The following TBC1D5 variants were observed in gnomAD, a reference collection of about 807,000 sequenced individuals.
TBC1D5 encodes the protein TBC1 domain family, member 5.
Under a neutral mutation model 100.3 loss-of-function variants are expected in TBC1D5, and 75 were observed. The ratio of observed to expected loss-of-function variants is 0.75; its 90% CI spans 0.62 to 0.91. The LOEUF is 0.91. Ranked by LOEUF, TBC1D5 falls within the 40% of genes least tolerant of loss-of-function variation. The probability of loss-of-function intolerance (pLI) is 0.00; values close to 1 mark genes in which losing one functional copy is unlikely to be tolerated. For missense variants in TBC1D5, 910 were observed against 942.4 expected, an observed-to-expected ratio of 0.97 and a Z score of 0.45; for synonymous variants, 323 against 325.6, an observed-to-expected ratio of 0.99 and a Z score of 0.09.
chr3:17,407,168 A>T (rs1430380945), intron 4 of TBC1D5, among the ~76,000 whole-genome samples: 1 of 152,184 alleles, frequency 6.6e-6, no homozygotes. Flanking sequence ...ATGGCTGAGT[A>T]GATAAACAAC....
intron 2 of TBC1D5, among the ~76,000 whole-genome samples, chr3:17,545,957 G>A (rs965013091): frequency 6.6e-6 from 1 of 152,090 alleles, no homozygotes; most frequent in African/African-American, 2.4e-5. Flanking sequence ...AGGTATAGAT[G>A]TATATAACCT....
At chr3:17,645,604 T>C (rs2064947109) in intron 1 of TBC1D5, among the ~76,000 whole-genome samples, 1 of 152,136 alleles carries the variant, frequency 6.6e-6, no homozygotes, top group Non-Finnish European at 1.5e-5. Flanking sequence ...ACACTCTCTC[T>C]TTAGTTTCCT....
intron 7 of TBC1D5, among the ~76,000 whole-genome samples, chr3:17,404,476 G>C (rs1226188505): frequency 6.6e-6 from 1 of 151,864 alleles, no homozygotes; most frequent in Non-Finnish European, 1.5e-5. Context: ...GAGATTTCTT[G>C]GTACTGCCAT....
intron 16 of TBC1D5, among the ~76,000 whole-genome samples, chr3:17,240,563 A>G (rs558629634): frequency 3.9e-5 from 6 of 152,172 alleles, no homozygotes; most frequent in Non-Finnish European, 8.8e-5. Flanking sequence ...TTGAGAAAAA[A>G]GAATGAATGA....
chr3:17,712,276 G>A (rs1310010027), intron 1 of TBC1D5, among the ~76,000 whole-genome samples: 4 of 152,012 alleles, frequency 2.6e-5, no homozygotes, highest in Admixed American at 6.5e-5. Flanking sequence ...AGAAATAATG[G>A]TCTCCCACAG....
chr3:17,584,757 A>G (rs1287542755), intron 2 of TBC1D5, among the ~76,000 whole-genome samples: 1 of 152,202 alleles, frequency 6.6e-6, no homozygotes, highest in Non-Finnish European at 1.5e-5. Flanking sequence ...CCCGAGTTCA[A>G]GAGATTCTCC....
At chr3:17,298,269 A>G (rs17043333) in intron 14 of TBC1D5, among the ~76,000 whole-genome samples, 2,287 of 152,222 alleles carry the variant, frequency 0.015, 50 homozygotes, top group African/African-American at 0.052. Flanking sequence ...TTTGTGTTGG[A>G]CTGTATTCAT....
chr3:17,626,088 T>C (rs1039527071), intron 1 of TBC1D5, among the ~76,000 whole-genome samples: 5 of 152,170 alleles, frequency 3.3e-5, no homozygotes, highest in Non-Finnish European at 5.9e-5. Flanking sequence ...TTGGACCATT[T>C]GAAGACCTAC....
chr3:17,543,950 C>T (rs2096386746), intron 2 of TBC1D5, among the ~76,000 whole-genome samples: 1 of 151,904 alleles, frequency 6.6e-6, no homozygotes, highest in South Asian at 2.1e-4. Context: ...TCACTGCAAC[C>T]TCCACCTCCC....
intron 1 of TBC1D5, among the ~76,000 whole-genome samples, chr3:17,701,354 A>C (rs1315446457): frequency 6.6e-6 from 1 of 152,168 alleles, no homozygotes; most frequent in Non-Finnish European, 1.5e-5. Context: ...GAGAGATAGC[A>C]TTAGGAGAAA....
intron 15 of TBC1D5, among the ~76,000 whole-genome samples, chr3:17,272,064 A>G (rs1343667667): frequency 6.7e-6 from 1 of 149,850 alleles, no homozygotes; most frequent in South Asian, 2.1e-4. Flanking sequence ...AGGCATTTAC[A>G]ACATTTGTGT....
intron 3 of TBC1D5, among the ~76,000 whole-genome samples, chr3:17,440,596 G>A (rs1264462651): frequency 2.0e-5 from 3 of 152,154 alleles, no homozygotes; most frequent in Non-Finnish European, 4.4e-5. Context: ...CAGCTTGGGT[G>A]ACAAAGTAAG....
intron 18 of TBC1D5, among the ~76,000 whole-genome samples, chr3:17,198,626 C>T (rs924877425): frequency 9.2e-5 from 14 of 152,056 alleles, no homozygotes; most frequent in Non-Finnish European, 1.8e-4. Context: ...ATTCTCCTCT[C>T]GATGTTGGTG....
At chr3:17,523,715 T>G (rs1016174075) in intron 2 of TBC1D5, among the ~76,000 whole-genome samples, 10 of 152,148 alleles carry the variant, frequency 6.6e-5, no homozygotes, top group African/African-American at 1.2e-4. Flanking sequence ...AGCTTTACAT[T>G]TAAATAGCAG....
At chr3:17,550,470 A>G (rs1220613855) in intron 2 of TBC1D5, among the ~76,000 whole-genome samples, 1 of 152,096 alleles carries the variant, frequency 6.6e-6, no homozygotes, top group East Asian at 1.9e-4. Context: ...CACACCTGTA[A>G]AAGTTAAACA....
chr3:17,467,723 A>AAAT (rs762727520), intron 3 of TBC1D5, among the ~76,000 whole-genome samples: 1,581 of 151,594 alleles, frequency 0.01, 27 homozygotes, highest in African/African-American at 0.034. Context: ...AAAAATACAA[A>AAAT]AATAATAATA....
At chr3:17,370,089 T>A (rs2092379257) in intron 13 of TBC1D5, among the ~76,000 whole-genome samples, 1 of 152,102 alleles carries the variant, frequency 6.6e-6, no homozygotes, top group African/African-American at 2.4e-5. Flanking sequence ...TATAAATTAT[T>A]CTGATAAAGA....
chr3:17,263,790 C>T (rs554082412), intron 15 of TBC1D5, among the ~76,000 whole-genome samples: 2 of 152,234 alleles, frequency 1.3e-5, no homozygotes, highest in South Asian at 4.1e-4. Context: ...TAAATAAAGC[C>T]CATGCTACGC....
chr3:17,736,930 T>C (rs1319760201), intron 1 of TBC1D5, among the ~76,000 whole-genome samples: 1 of 152,030 alleles, frequency 6.6e-6, no homozygotes, highest in African/African-American at 2.4e-5. Context: ...GGAGAATCAC[T>C]TGAACCCAGG....
Sources: allele counts gnomAD v4.1 joint callset (sites outside exome capture counted in the v4.1 genomes callset), GRCh38; gene constraint gnomAD v4.1.1; transcripts MANE v1.5; gene names NCBI Gene and HGNC (gene_info 2026-07-23, HGNC 2026-07-21).